Variants in ANAPC10 observed in about 807,000 individuals in gnomAD.
ANAPC10 encodes anaphase promoting complex subunit 10.
ANAPC10 carries 12 observed loss-of-function variants against 22.0 expected under a neutral mutation model. The ratio of observed to expected loss-of-function variants is 0.55; its 90% CI spans 0.35 to 0.88. The LOEUF is 0.88. Among genes scored for constraint, ANAPC10 ranks in the 40% least tolerant of loss-of-function variants. The probability of loss-of-function intolerance (pLI) is 0.01; values close to 1 mark genes in which losing one functional copy is unlikely to be tolerated. For synonymous variants in ANAPC10, 65 were observed against 69.5 expected, an observed-to-expected ratio of 0.94 and a Z score of 0.32; for missense variants, 188 against 220.9, an observed-to-expected ratio of 0.85 and a Z score of 0.94.
chr4:145,007,942 G>C (rs190447066), intron 4 of ANAPC10, among the ~76,000 whole-genome samples: 1 of 151,372 alleles, frequency 6.6e-6, no homozygotes, highest in African/African-American at 2.4e-5. Context: ...CCGCTAGCAA[G>C]ACTAATAAAG....
At chr4:145,036,748 C>T (rs1453776714) in intron 4 of ANAPC10, among the ~76,000 whole-genome samples, 4 of 152,072 alleles carry the variant, frequency 2.6e-5, no homozygotes, top group Non-Finnish European at 4.4e-5. Flanking sequence ...AAAACTATGA[C>T]TTAGTAAGTT....
At chr4:145,090,873 C>T (rs930698559) in intron 2 of ANAPC10, among the ~76,000 whole-genome samples, 7 of 152,156 alleles carry the variant, frequency 4.6e-5, no homozygotes, top group African/African-American at 7.2e-5. Context: ...AAGATTGTGT[C>T]TTTTTTGTCT....
At chr4:145,064,249 A>AT in intron 4 of ANAPC10, 1 of 168,666 alleles carries the variant, frequency 5.9e-6, no homozygotes, top group South Asian at 2.0e-4. Flanking sequence ...GCACAAAAAA[A>AT]TTAGATGGAC....
chr4:145,096,118 A>G lies in ANAPC10; in HGVS notation c.-12-7T>C, dbSNP rs765638815. On this transcript the variant is annotated splice_region_variant and splice_polypyrimidine_tract_variant and intron_variant, in intron 1 of 4. Transcript: ENST00000507656. ...TAGTCATTTTTAAAATATTCTATGT[A>G]GAAAACAAGAATGCACACATTGTAT... The G allele has an allele frequency of 1.9e-6, 3 of 1,610,754 alleles. No individual in the cohort carries two copies. In the African/African-American group the frequency reaches 4.0e-5, roughly 22 times the overall value.
intron 4 of ANAPC10, among the ~76,000 whole-genome samples, chr4:145,020,174 T>C (rs1011730669): frequency 6.6e-6 from 1 of 152,016 alleles, no homozygotes; most frequent in Non-Finnish European, 1.5e-5. Context: ...ACATAAATGC[T>C]AAAATCCTTA....
intron 3 of ANAPC10, among the ~76,000 whole-genome samples, chr4:145,079,805 T>C (rs928253687): frequency 6.6e-6 from 1 of 152,156 alleles, no homozygotes; most frequent in South Asian, 2.1e-4. Flanking sequence ...TTCTCACTTA[T>C]AAGTGGGAAC....
At chr4:145,060,786 C>A (rs959506018) in intron 4 of ANAPC10, among the ~76,000 whole-genome samples, 4 of 151,716 alleles carry the variant, frequency 2.6e-5, no homozygotes, top group African/African-American at 9.7e-5. Context: ...TCAGAAGCAG[C>A]AAAGTTTTTT....
chr4:144,999,996 C>T (rs1056841731), intron 4 of ANAPC10, among the ~76,000 whole-genome samples: 3 of 152,068 alleles, frequency 2.0e-5, no homozygotes, highest in African/African-American at 2.4e-5. Context: ...AACTGGCTAG[C>T]CATATGGAGA....
chr4:144,998,849 A>G (rs1732048296), intron 4 of ANAPC10, among the ~76,000 whole-genome samples: 4 of 152,142 alleles, frequency 2.6e-5, no homozygotes, highest in African/African-American at 4.8e-5. Context: ...GAAAATATCA[A>G]CAAAATTGAT....
chr4:145,066,705 C>G (rs892914348), intron 3 of ANAPC10, among the ~76,000 whole-genome samples: 2 of 151,798 alleles, frequency 1.3e-5, no homozygotes, highest in African/African-American at 4.8e-5. Flanking sequence ...AGAAGTAATG[C>G]TCTATACATA....
chr4:145,085,480 T>C (rs6823444), intron 2 of ANAPC10, among the ~76,000 whole-genome samples: 29,726 of 151,566 alleles, frequency 0.2, 3,383 homozygotes, highest in East Asian at 0.45. Flanking sequence ...TTTTTTCTCC[T>C]CCATTTCACA....
chr4:145,093,900 G>C (rs376336672), intron 2 of ANAPC10, among the ~76,000 whole-genome samples: 12 of 152,178 alleles, frequency 7.9e-5, no homozygotes, highest in African/African-American at 2.9e-4. Context: ...AGATAATAGA[G>C]AAGCAATAGG....
At chr4:145,039,390 T>C (rs1224220822) in intron 4 of ANAPC10, among the ~76,000 whole-genome samples, 1 of 152,122 alleles carries the variant, frequency 6.6e-6, no homozygotes, top group East Asian at 1.9e-4. Flanking sequence ...GGAAGAAAAG[T>C]AGTGTGAATT....
rs1748470194 is a variant in ANAPC10 at position 145,096,110 on chromosome 4, T to C, written c.-11A>G. ...GTTTGGTGTAGTCATTTTTAAAATA[T>C]TCTATGTAGAAAACAAGAATGCACA... On this transcript the variant is annotated splice_region_variant and 5_prime_UTR_variant, in exon 2 of 5. Coordinates refer to ENST00000507656, the MANE Select transcript of ANAPC10 (RefSeq NM_001256706.2). 6.2e-7 allele frequency: 1 copy of C among 1,612,578 alleles called. No homozygotes were observed. The highest frequency in any genetic ancestry group is 8.5e-7 in the Non-Finnish European group (1 of 1,179,652).
intron 2 of ANAPC10, among the ~76,000 whole-genome samples, chr4:145,085,388 G>A (rs534312997): frequency 5.9e-5 from 9 of 151,474 alleles, no homozygotes; most frequent in Non-Finnish European, 7.4e-5. Flanking sequence ...CGATTCTTCC[G>A]TAAAAGCTCC....
At chr4:145,040,816 A>T (rs1739396456) in intron 4 of ANAPC10, among the ~76,000 whole-genome samples, 1 of 152,216 alleles carries the variant, frequency 6.6e-6, no homozygotes, top group African/African-American at 2.4e-5. Flanking sequence ...TCAAAAAGCC[A>T]TAATTCTACA....
chr4:145,078,657 T>C (rs1260583702), intron 3 of ANAPC10, among the ~76,000 whole-genome samples: 1 of 152,164 alleles, frequency 6.6e-6, no homozygotes, highest in Non-Finnish European at 1.5e-5. Context: ...CAAAAGAGCA[T>C]GGTACTGGTA....
At chr4:145,021,781 G>A (rs772871552) in intron 4 of ANAPC10, among the ~76,000 whole-genome samples, 8 of 152,006 alleles carry the variant, frequency 5.3e-5, no homozygotes, top group Non-Finnish European at 1.2e-4. Flanking sequence ...TCTGAAAATG[G>A]ACTAATATCC....
Position 144,995,417 on chromosome 4 carries a change from T to C in ANAPC10, c.514A>G (p.Arg172Gly), listed in dbSNP as rs756782266. 4 of 1,613,506 alleles carry C rather than the reference T, an allele frequency of 2.5e-6. No homozygotes were observed. In the African/African-American group the frequency reaches 4.0e-5, roughly 16 times the overall value. ...ATCATGAAATCTATAGTTGTACATC[T>C]AGGAAATTTACCAATGGAGCTCTCT... ...VEESSIGKFP[R>G]CTTIDFMMYR... The change falls in exon 5 of 5, where the codon AGA (arginine) becomes GGA (glycine). Residue 172 changes from arginine to glycine, a missense_variant. By Grantham distance (125) the Arg-to-Gly change is moderately radical. Coordinates refer to ENST00000507656, the MANE Select transcript of ANAPC10 (RefSeq NM_001256706.2).
Sources: allele counts gnomAD v4.1 joint callset (sites outside exome capture counted in the v4.1 genomes callset), GRCh38; gene constraint gnomAD v4.1.1; transcripts MANE v1.5; gene names NCBI Gene and HGNC (gene_info 2026-07-23, HGNC 2026-07-21).